Variants in GHSR observed in about 807,000 individuals in gnomAD.
GHSR encodes the protein growth hormone secretagogue receptor type 1.
A neutral mutation model predicts 24.0 loss-of-function variants in GHSR; 17 were observed. The observed-to-expected ratio is 0.71, with a 90% CI of 0.49 to 1.06. The LOEUF (loss-of-function observed/expected upper bound fraction) is 1.06. Among genes scored for constraint, GHSR ranks in the 50% least tolerant of loss-of-function variants. The pLI is 0.00. For synonymous variants in GHSR, 238 were observed against 208.1 expected (o/e 1.14, Z -1.24); for missense variants, 504 against 483.1 (o/e 1.04, Z -0.41).
Position 172,445,213 on chromosome 3 carries a change from G to A in GHSR, c.1049C>T (p.Thr350Ile). 1 of 1,614,134 alleles carries A rather than the reference G, an allele frequency of 6.2e-7. No individual in the cohort carries two copies. Among genetic ancestry groups the A allele is most frequent in the Non-Finnish European group, 8.5e-7 (1 of 1,180,030 alleles). Residue 350 changes from threonine (T) to isoleucine (I), a missense_variant, in exon 2 of 2, where the codon ACT becomes ATT. By Grantham distance (89) the Thr-to-Ile change is moderately conservative. Coordinates refer to ENST00000241256, the MANE Select transcript of GHSR (RefSeq NM_198407.2). ...GGCCCGAGAACTTTCATCTTTCAGA[G>A]TGGAGAGCTTTCTCTGGGAGAAGGG... ...FEPFSQRKLS[T>I]LKDESSRAWT...
At position 172,447,883 on chromosome 3, in the gene GHSR, G is replaced by A; in HGVS notation, c.531C>T (p.Pro177=). ...GCTCCACCCCGACTAGCACGAAGAT[G>A]GGCCCGGCGCTGCAGAAGGCCACGG... ...IWAVAFCSAG[P]IFVLVGVEHE... The change falls in exon 1 of 2, where the codon CCC becomes CCT. Residue 177 remains proline (P), a synonymous_variant. Transcript: ENST00000241256. 1.2e-6 allele frequency: 2 copies of A among 1,613,456 alleles called. No homozygotes were observed. Among genetic ancestry groups the A allele is most frequent in the Non-Finnish European group, 1.7e-6 (2 of 1,179,496 alleles).
chr3:172,447,823 C>G lies in GHSR; in HGVS notation c.591G>C (p.Glu197Asp). ...ENGTDPWDTN[E>D]CRPTEFAVRS... is the part of the protein sequence containing the mutation. ...GCACCGCAAACTCGGTGGGGCGGCA[C>G]TCGTTGGTGTCCCAAGGGTCGGTGC... The change falls in exon 1 of 2, where the codon GAG becomes GAC. Residue 197 changes from glutamate to aspartate, a missense_variant. Transcript: ENST00000241256. 1 of 1,613,972 alleles carries G rather than the reference C, an allele frequency of 6.2e-7. No homozygotes were observed. The highest frequency in any genetic ancestry group is 2.2e-5 in the East Asian group (1 of 44,860).
chr3:172,447,602 G>A lies in GHSR; in HGVS notation c.796+16C>T, dbSNP rs758718962. On this transcript the variant is annotated intron_variant, in intron 1 of 1. Coordinates refer to ENST00000241256, the MANE Select transcript of GHSR (RefSeq NM_198407.2). ...AGGACCCGCGAGAGAAAGCCTGAGC[G>A]CGCGCTGAGACCCACCCAGCATTTT... 1 of 1,613,314 alleles carries A rather than the reference G, an allele frequency of 6.2e-7. No homozygotes were observed. Among genetic ancestry groups the A allele is most frequent in the African/African-American group, 1.3e-5 (1 of 74,980 alleles).
chr3:172,445,237 G>C lies in GHSR; in HGVS notation c.1025C>G (p.Pro342Arg). Residue 342 changes from proline to arginine, a missense_variant, in exon 2 of 2, where the codon CCC (proline) becomes CGC (arginine). Transcript: ENST00000241256. ...AGTGGAGAGCTTTCTCTGGGAGAAGGGTTCGAATCCCAGAAGTCTGAACAC... is the reference window on the plus strand; with the variant it reads ...AGTGGAGAGCTTTCTCTGGGAGAAGCGTTCGAATCCCAGAAGTCTGAACAC... Reference protein sequence around the residue: ...VAVFRLLGFEPFSQRKLSTLK... With the variant: ...VAVFRLLGFERFSQRKLSTLK... 6.2e-7 allele frequency: 1 copy of C among 1,614,008 alleles called. No homozygotes were observed. Among genetic ancestry groups the C allele is most frequent in the African/African-American group, 1.3e-5 (1 of 74,984 alleles).
rs769742189 is a variant in GHSR at position 172,444,730 on chromosome 3, G to T, written c.*431C>A. Among the ~76,000 whole-genome samples the T allele has an allele frequency of 6.6e-6, 1 of 152,114 alleles. No homozygotes were observed. The highest frequency in any genetic ancestry group is 2.4e-5 in the African/African-American group (1 of 41,414). Reference sequence around the variant, plus strand: ...TTCTCTTGGATAGCACTGCTCTAGAGCTTTATGAAAATAGCTAGTTTTTAA... The same window carrying T: ...TTCTCTTGGATAGCACTGCTCTAGATCTTTATGAAAATAGCTAGTTTTTAA... On this transcript the variant is annotated 3_prime_UTR_variant, in exon 2 of 2. Transcript: ENST00000241256.
rs778689494 is a variant in GHSR at position 172,448,240 on chromosome 3, G to C, written c.174C>G (p.Ile58Met). Residue 58 changes from isoleucine (I) to methionine (M), a missense_variant, in exon 1 of 2, where the codon ATC becomes ATG. Physicochemically the swap from Ile to Met is conservative, Grantham distance 10 (BLOSUM62 1). Transcript: ENST00000241256. This position sits in a 1 kb window ranked among gnomAD's most constrained non-coding sequence, Gnocchi z 4.8. Reference protein sequence around the residue: ...ATCVALFVVGIAGNLLTMLVV... With the variant: ...ATCVALFVVGMAGNLLTMLVV... ...CCAGCATGGTGAGCAGGTTGCCAGC[G>C]ATGCCCACCACGAAGAGTGCCACGC... The C allele has an allele frequency of 1.5e-5, 24 of 1,613,872 alleles. No homozygotes were observed. Among genetic ancestry groups the C allele is most frequent in the Non-Finnish European group, 1.9e-5 (22 of 1,180,034 alleles).
Position 172,448,091 on chromosome 3 carries a change from G to A in GHSR, c.323C>T (p.Pro108Leu), listed in dbSNP as rs752565297. Reference protein sequence around the residue: ...LDLVRLWQYRPWNFGDLLCKL... With the variant: ...LDLVRLWQYRLWNFGDLLCKL... ...GCAGAGGAGGTCGCCGAAGTTCCAG[G>A]GCCGGTACTGCCAGAGGCGAACGAG... The change falls in exon 1 of 2, where the codon CCC (proline) becomes CTC (leucine). Residue 108 changes from proline (P) to leucine (L), a missense_variant. By Grantham distance (98) the Pro-to-Leu change is moderately conservative (BLOSUM62 -3). Transcript: ENST00000241256. This position sits in a 1 kb window ranked among gnomAD's most constrained non-coding sequence, Gnocchi z 4.8. 9 of 1,614,214 alleles carry A rather than the reference G, an allele frequency of 5.6e-6. No homozygotes were observed. In the East Asian group the frequency reaches 1.1e-4, roughly 20 times the overall value.
rs1256381833 is a variant in GHSR at position 172,448,085 on chromosome 3, T to C, written c.329A>G (p.Asn110Ser). 11 of 1,614,164 alleles carry C rather than the reference T, an allele frequency of 6.8e-6. No individual in the cohort carries two copies. The South Asian group carries it at 1.2e-4, about 18-fold the overall frequency. The change falls in exon 1 of 2, where the codon AAC becomes AGC. Residue 110 changes from asparagine to serine, a missense_variant. Asn to Ser is a conservative substitution (Grantham distance 46, BLOSUM62 1). Transcript: ENST00000241256. This position sits in a 1 kb window ranked among gnomAD's most constrained non-coding sequence, Gnocchi z 4.8. Reference sequence around the variant, plus strand: ...GAGTTTGCAGAGGAGGTCGCCGAAGTTCCAGGGCCGGTACTGCCAGAGGCG... The same window carrying C: ...GAGTTTGCAGAGGAGGTCGCCGAAGCTCCAGGGCCGGTACTGCCAGAGGCG... ...LVRLWQYRPW[N>S]FGDLLCKLFQ...
In GHSR at chr3:172,447,850, G is replaced by C; in HGVS notation, c.564C>G (p.Asn188Lys). 1 of 1,613,988 alleles carries C rather than the reference G, an allele frequency of 6.2e-7. No individual in the cohort carries two copies. The highest frequency in any genetic ancestry group is 1.3e-5 in the African/African-American group (1 of 75,062). The change falls in exon 1 of 2, where the codon AAC becomes AAG. Residue 188 changes from asparagine (N) to lysine (K), a missense_variant. Asn to Lys is a moderately conservative substitution (Grantham distance 94, BLOSUM62 0). Transcript: ENST00000241256. The stretch of plus-strand genomic sequence containing the variant: ...CGTTGGTGTCCCAAGGGTCGGTGCC[G>C]TTCTCGTGCTCCACCCCGACTAGCA... The part of the protein sequence containing the change: ...IFVLVGVEHE[N>K]GTDPWDTNEC...
At chr3:172,446,233 T>C (rs186710253) in intron 1 of GHSR, among the ~76,000 whole-genome samples, 178 of 152,262 alleles carry the variant, frequency 1.2e-3, no homozygotes, top group African/African-American at 4.3e-3. Context: ...AAGAAGAAAG[T>C]TAACATTGGT....
At chr3:172,447,379 A>C in intron 1 of GHSR, 1 of 351,268 alleles carries the variant, frequency 2.8e-6, no homozygotes, top group Non-Finnish European at 3.7e-6. Context: ...TGACAAAGTA[A>C]AGGGGGAGGA....
rs1343451166 is a variant in GHSR, at chr3:172,444,027, C to G, written c.*1134G>C. Among the ~76,000 whole-genome samples, 1 of 152,176 alleles carries G rather than the reference C, an allele frequency of 6.6e-6. No homozygotes were observed. The highest frequency in any genetic ancestry group is 1.5e-5 in the Non-Finnish European group (1 of 68,014). Reference sequence around the variant, plus strand: ...ACGTTACAAATTGTTCCCTTATTCACAAATCGAAGCCTTATAATTGACTTC... The same window carrying G: ...ACGTTACAAATTGTTCCCTTATTCAGAAATCGAAGCCTTATAATTGACTTC... On this transcript the variant is annotated 3_prime_UTR_variant, in exon 2 of 2. Transcript: ENST00000241256.
chr3:172,445,418 C>T lies in GHSR; in HGVS notation c.844G>A (p.Gly282Arg). ...FILCWLPFHV[G>R]RYLFSKSFEP... ...AAGGATTTGGAAAATAAATATCGCCCTACGTGGAAGGGGAGCCAGCAGAGG... is the reference window on the plus strand; with the variant it reads ...AAGGATTTGGAAAATAAATATCGCCTTACGTGGAAGGGGAGCCAGCAGAGG... Residue 282 changes from glycine to arginine, a missense_variant, in exon 2 of 2, where the codon GGG becomes AGG. Transcript: ENST00000241256. 6.2e-7 allele frequency: 1 copy of T among 1,613,866 alleles called. No individual in the cohort carries two copies. Among genetic ancestry groups the T allele is most frequent in the Non-Finnish European group, 8.5e-7 (1 of 1,180,008 alleles).
At chr3:172,447,437 A>T in intron 1 of GHSR, 181 bp downstream of exon 1, 1 of 1,321,486 alleles carries the variant, frequency 7.6e-7, no homozygotes, top group Non-Finnish European at 1.0e-6. Context: ...CAAAAACATC[A>T]CTCAAGAAAG....
rs775843480 is a variant in GHSR at position 172,444,100 on chromosome 3, G to A, written c.*1061C>T. Among the ~76,000 whole-genome samples, 1 of 151,992 alleles carries A rather than the reference G, an allele frequency of 6.6e-6. No homozygotes were observed. On this transcript the variant is annotated 3_prime_UTR_variant, in exon 2 of 2. Transcript: ENST00000241256. ...AGGCAGTTTGTGATTACCCATAATT[G>A]TTTTAAAAAGTTTCATTTCCTGAAT...
intron 1 of GHSR, among the ~76,000 whole-genome samples, chr3:172,446,365 G>A (rs577430066): frequency 4.6e-5 from 7 of 152,264 alleles, no homozygotes; most frequent in East Asian, 1.9e-4. Context: ...TGTGACTCTC[G>A]TAGGTGAGAG....
intron 1 of GHSR, among the ~76,000 whole-genome samples, chr3:172,445,832 CG>C (rs1293688329): frequency 6.6e-6 from 1 of 152,148 alleles, no homozygotes; most frequent in Non-Finnish European, 1.5e-5. Flanking sequence ...GCTGTGTATC[CG>C]AGTCTCCTGG....
chr3:172,448,405 G>T lies in GHSR; in HGVS notation c.9C>A (p.Asn3Lys), dbSNP rs1343138745. The T allele has an allele frequency of 6.3e-7, 1 of 1,593,464 alleles. No homozygotes were observed. Among genetic ancestry groups the T allele is most frequent in the Non-Finnish European group, 8.5e-7 (1 of 1,177,472 alleles). The change falls in exon 1 of 2, where the codon AAC (asparagine) becomes AAA (lysine). Residue 3 changes from asparagine (N) to lysine (K), a missense_variant. Asn to Lys is a moderately conservative substitution (Grantham distance 94). Transcript: ENST00000241256. This position sits in a 1 kb window ranked among gnomAD's most constrained non-coding sequence, Gnocchi z 4.8. ...ACCCCGGCTCTTCGCTGGGCGTCGC[G>T]TTCCACATGCTGCCGGCTCAGCTGA... MWNATPSEEPGFN... is the reference protein window; with the variant it reads MWKATPSEEPGFN...
In GHSR at chr3:172,444,659, T is replaced by C. The variant is rs1389165910; in HGVS notation, c.*502A>G. 1.3e-5 allele frequency among the ~76,000 whole-genome samples: 2 copies of C among 152,242 alleles called. No homozygotes were observed. The highest frequency in any genetic ancestry group is 1.9e-4 in the East Asian group (1 of 5,206). On this transcript the variant is annotated 3_prime_UTR_variant, in exon 2 of 2. Coordinates refer to ENST00000241256, the MANE Select transcript of GHSR (RefSeq NM_198407.2). ...TGTGAAAAAAAAGAATGTAAATTCC[T>C]TTTTAATAATTTTTGTACTGATTGC...
Sources: gnomAD v4.1 joint callset for allele counts (sites outside exome capture counted in the v4.1 genomes callset) on GRCh38, gnomAD v4.1.1 for gene constraint, Gnocchi (gnomAD v3.1) non-coding constraint, MANE v1.5 for transcripts, NCBI Gene and HGNC (gene_info 2026-07-23, HGNC 2026-07-21) for gene names.